Variants in NREP observed in about 807,000 individuals in gnomAD.
NREP encodes the protein neuronal regeneration related protein.
NREP carries 5 observed loss-of-function variants against 8.6 expected under a neutral mutation model. That is an observed-to-expected ratio of 0.58 (90% CI 0.30 to 1.22). The LOEUF (loss-of-function observed/expected upper bound fraction) is 1.22, where lower values mean the gene tolerates loss of function less well. Ranked by LOEUF, NREP falls within the 50% of genes most tolerant of loss-of-function variation. The pLI is 0.07. For synonymous variants in NREP, 27 were observed against 28.0 expected, an observed-to-expected ratio of 0.96 and a Z score of 0.11; for missense variants, 86 against 82.5, an observed-to-expected ratio of 1.04 and a Z score of -0.17.
chr5:111,882,721 A>C (rs945186529), intron 2 of NREP, among the ~76,000 whole-genome samples: 18 of 152,172 alleles, frequency 1.2e-4, no homozygotes, highest in Middle Eastern at 3.2e-3. Context: ...ATATCCAGCC[A>C]AACTAAGCTT....
chr5:111,807,593 T>A (rs6871459), intron 2 of NREP, among the ~76,000 whole-genome samples: 4,580 of 152,170 alleles, frequency 0.03, 237 homozygotes, highest in African/African-American at 0.11. Context: ...AAAAATCAAT[T>A]TTATAAGATA....
chr5:111,773,317 C>T (rs1447605498), intron 2 of NREP, among the ~76,000 whole-genome samples: 2 of 152,106 alleles, frequency 1.3e-5, no homozygotes, highest in African/African-American at 2.4e-5. Context: ...AACTAATAAA[C>T]ACCTACTTCT....
At chr5:111,887,154 G>T (rs901834456) in intron 2 of NREP, among the ~76,000 whole-genome samples, 8 of 151,934 alleles carry the variant, frequency 5.3e-5, no homozygotes, top group African/African-American at 1.9e-4. Flanking sequence ...GAGCTCTTGG[G>T]TTCCAGCAAT....
chr5:111,929,730 G>A (rs1755484879), intron 2 of NREP, among the ~76,000 whole-genome samples: 1 of 152,148 alleles, frequency 6.6e-6, no homozygotes, highest in South Asian at 2.1e-4. Flanking sequence ...CAATTCCTGT[G>A]TGGCAAACCA....
chr5:111,876,848 C>T (rs1753921844), intron 2 of NREP, among the ~76,000 whole-genome samples: 1 of 152,142 alleles, frequency 6.6e-6, no homozygotes, highest in South Asian at 2.1e-4. Flanking sequence ...GAAATTATTA[C>T]TAAATCTATT....
chr5:111,804,706 A>AC (rs892384681), intron 2 of NREP, among the ~76,000 whole-genome samples: 13 of 152,156 alleles, frequency 8.5e-5, no homozygotes, highest in African/African-American at 2.6e-4. Flanking sequence ...AGAGAAAAAA[A>AC]AAACAAACAA....
At chr5:111,821,905 G>T (rs770554225) in intron 2 of NREP, among the ~76,000 whole-genome samples, 2 of 152,090 alleles carry the variant, frequency 1.3e-5, no homozygotes, top group Non-Finnish European at 2.9e-5. Context: ...AAAGCATCTT[G>T]TGTTGCAGTA....
intron 2 of NREP, among the ~76,000 whole-genome samples, chr5:111,911,748 GAC>G (rs1237832408): frequency 6.6e-6 from 1 of 152,070 alleles, no homozygotes; most frequent in Non-Finnish European, 1.5e-5. Flanking sequence ...CATAAAAATA[GAC>G]ACCAATTATA....
chr5:111,933,979 GT>G (rs1266787285), intron 2 of NREP, among the ~76,000 whole-genome samples: 2 of 152,088 alleles, frequency 1.3e-5, no homozygotes, highest in East Asian at 3.9e-4. Flanking sequence ...CCAAAGCTTA[GT>G]TTAGGGGAAG....
At chr5:111,935,702 G>A (rs951265116) in intron 2 of NREP, among the ~76,000 whole-genome samples, 2 of 152,036 alleles carry the variant, frequency 1.3e-5, no homozygotes, top group Non-Finnish European at 2.9e-5. Context: ...GAGTAAAATT[G>A]TAACGTCCAC....
intron 2 of NREP, among the ~76,000 whole-genome samples, chr5:111,747,851 A>AC (rs1750104228): frequency 6.6e-6 from 1 of 152,180 alleles, no homozygotes; most frequent in Non-Finnish European, 1.5e-5. Flanking sequence ...ATCTCTAGCT[A>AC]GATTATCATA....
rs554463947 is a variant in NREP at position 111,918,277 on chromosome 5, C to G, written c.135+56997G>C. Reference sequence around the variant, plus strand: ...AATCAATACTGTGAAAATGGCCATACTGCCCAAAATAATTTATAGATTCAA... The same window carrying G: ...AATCAATACTGTGAAAATGGCCATAGTGCCCAAAATAATTTATAGATTCAA... On this transcript the variant is annotated intron_variant, in intron 2 of 3. Transcript: ENST00000395634. Among the ~76,000 whole-genome samples the G allele has an allele frequency of 1.2e-4, 19 of 152,248 alleles. No homozygotes were observed. In the South Asian group the frequency reaches 3.9e-3, roughly 32 times the overall value.
intron 2 of NREP, chr5:111,738,221 G>A (rs375902023): frequency 2.0e-5 from 3 of 152,178 alleles, no homozygotes; most frequent in African/African-American, 7.2e-5. Context: ...TATACCTGCA[G>A]TATTTTGAGA....
intron 2 of NREP, among the ~76,000 whole-genome samples, chr5:111,745,791 G>C (rs866037098): frequency 6.6e-6 from 1 of 152,088 alleles, no homozygotes; most frequent in African/African-American, 2.4e-5. Context: ...TTTCAGACAA[G>C]AGAGGCAGTA....
chr5:111,970,654 C>T (rs1043784099), intron 2 of NREP, among the ~76,000 whole-genome samples: 8 of 151,916 alleles, frequency 5.3e-5, no homozygotes, highest in South Asian at 2.1e-4. Flanking sequence ...GGTGAAACCC[C>T]GCCTCCACTA....
chr5:111,763,016 C>T (rs776884404), intron 2 of NREP, among the ~76,000 whole-genome samples: 2 of 152,136 alleles, frequency 1.3e-5, no homozygotes, highest in Admixed American at 1.3e-4. Context: ...ATTCACGGCT[C>T]GTTTTTCTCA....
At chr5:111,950,468 A>C (rs1756123645) in intron 2 of NREP, among the ~76,000 whole-genome samples, 1 of 152,170 alleles carries the variant, frequency 6.6e-6, no homozygotes, top group South Asian at 2.1e-4. Context: ...AGGCAATACC[A>C]TTCAGGACAT....
At chr5:111,905,247 G>A (rs973863096) in intron 2 of NREP, among the ~76,000 whole-genome samples, 4 of 152,086 alleles carry the variant, frequency 2.6e-5, no homozygotes, top group Non-Finnish European at 4.4e-5. Flanking sequence ...AGGGCAGCTG[G>A]TAGATCACGT....
chr5:111,769,973 A>G (rs192332168), intron 2 of NREP, among the ~76,000 whole-genome samples: 41 of 152,316 alleles, frequency 2.7e-4, no homozygotes, highest in Admixed American at 1.1e-3. Flanking sequence ...AAGTAAGTGC[A>G]AAGGTACTCA....
Sources: allele counts gnomAD v4.1 joint callset (sites outside exome capture counted in the v4.1 genomes callset), GRCh38; gene constraint gnomAD v4.1.1; transcripts MANE v1.5; gene names NCBI Gene and HGNC (gene_info 2026-07-23, HGNC 2026-07-21).